POLR1A: variants seen among roughly 807,000 people sequenced by gnomAD.
The protein encoded by POLR1A is DNA-directed RNA polymerase I subunit RPA1.
In POLR1A, 84 loss-of-function variants were observed where a neutral mutation model predicts 205.3. That is an observed-to-expected ratio of 0.41 (90% CI 0.34 to 0.49). The LOEUF is 0.49. POLR1A is among the 20% of genes least tolerant of loss of function. The probability of loss-of-function intolerance (pLI) is 0.22; values close to 1 mark genes in which losing one functional copy is unlikely to be tolerated. For missense variants in POLR1A, 1,645 were observed against 2,204.5 expected, an observed-to-expected ratio of 0.75 and a Z score of 5.08; for synonymous variants, 799 against 863.7, an observed-to-expected ratio of 0.93 and a Z score of 1.31.
At chr2:86,033,842 A>G in intron 27 of POLR1A, 55 bp from the exon 28 acceptor site, 1 of 1,599,494 alleles carries the variant, frequency 6.3e-7, no homozygotes, top group Non-Finnish European at 8.5e-7. Context: ...GTCCAGCCCT[A>G]CCCTCATTTG....
At chr2:86,094,505 A>G (rs1338647129) in intron 3 of POLR1A, among the ~76,000 whole-genome samples, 4 of 152,140 alleles carry the variant, frequency 2.6e-5, no homozygotes, top group Admixed American at 6.5e-5. Flanking sequence ...CCAGCTCTAG[A>G]TCAGCTATTT....
chr2:86,065,397 AC>A lies in POLR1A; in HGVS notation c.1934del (p.Gly645ValfsTer24). 2 of 1,614,026 alleles carry A rather than the reference AC, an allele frequency of 1.2e-6. No individual in the cohort carries two copies. Among genetic ancestry groups the A allele is most frequent in the Non-Finnish European group, 1.7e-6 (2 of 1,179,992 alleles). On this transcript the variant is annotated frameshift_variant, in exon 14 of 34. Coordinates refer to ENST00000263857, the MANE Select transcript of POLR1A (RefSeq NM_015425.6). LOFTEE classifies it high-confidence loss of function. Reference protein sequence around the residue: ...MVSGASMTTRGCFFTREHYME... With the variant: ...MVSGASMTTRXCFFTREHYME... ...TATAGTGCTCCCGGGTGAAAAAGCA[AC>A]CCCGAGTAGTCATGCTTGCCCCTGA...
At chr2:86,081,454 A>G in intron 8 of POLR1A, 147 bp downstream of exon 8, 1 of 604,600 alleles carries the variant, frequency 1.7e-6, no homozygotes, top group Non-Finnish European at 2.9e-6. Context: ...ACGGGAAGGA[A>G]AGCAAGCCCT....
At chr2:86,065,516 A>G (rs917924398) in intron 13 of POLR1A, 51 bp from the exon 14 acceptor site, 29 of 1,540,714 alleles carry the variant, frequency 1.9e-5, no homozygotes, top group Non-Finnish European at 1.5e-5. Context: ...ATCTTAAGTC[A>G]AACTCTAATC....
chr2:86,055,376 G>T (rs1672878490), intron 14 of POLR1A, among the ~76,000 whole-genome samples: 1 of 152,194 alleles, frequency 6.6e-6, no homozygotes, highest in South Asian at 2.1e-4. Flanking sequence ...AGGAGCAGGG[G>T]ACAATGGACA....
At chr2:86,088,401 C>A (rs1025795384) in intron 6 of POLR1A, among the ~76,000 whole-genome samples, 165 bp downstream of exon 6, 1 of 152,218 alleles carries the variant, frequency 6.6e-6, no homozygotes, top group South Asian at 2.1e-4. Context: ...GAGCTGGGCG[C>A]TTGCCAGGGT....
chr2:86,095,472 C>T (rs1307410050), intron 3 of POLR1A, among the ~76,000 whole-genome samples: 2 of 152,158 alleles, frequency 1.3e-5, no homozygotes, highest in Admixed American at 6.5e-5. Flanking sequence ...AATTTTGCCA[C>T]GTTGCTTCAA....
intron 14 of POLR1A, among the ~76,000 whole-genome samples, chr2:86,055,368 G>A (rs1486573846): frequency 6.6e-6 from 1 of 152,174 alleles, no homozygotes; most frequent in Non-Finnish European, 1.5e-5. Flanking sequence ...CGTGCACCAG[G>A]AGCAGGGGAC....
At chr2:86,038,599 G>C in intron 27 of POLR1A, 101 bp downstream of exon 27, 1 of 1,168,564 alleles carries the variant, frequency 8.6e-7, no homozygotes, top group Non-Finnish European at 1.2e-6. Context: ...TTTGGGCAAA[G>C]GCACTCAATC....
Position 86,054,170 on chromosome 2 carries a change from G to C in POLR1A, c.2178C>G (p.Gly726=), listed in dbSNP as rs1363624577. 1 of 1,613,850 alleles carries C rather than the reference G, an allele frequency of 6.2e-7. No individual in the cohort carries two copies. The highest frequency in any genetic ancestry group is 1.3e-5 in the African/African-American group (1 of 74,904). Residue 726 remains glycine, a synonymous_variant, in exon 15 of 34, where the codon GGC becomes GGG. Transcript: ENST00000263857. The part of the protein sequence containing the change: ...WVKETPRSVP[G]FNPDSMCESQ... ...ACTCGCACATCGAGTCAGGGTTAAA[G>C]CCAGGAACGGATCGAGGAGTTTCCT...
At chr2:86,031,731 G>C (rs563561432) in intron 29 of POLR1A, 96 bp from the exon 30 acceptor site, 1 of 1,516,396 alleles carries the variant, frequency 6.6e-7, no homozygotes, top group East Asian at 2.3e-5. Context: ...GCCTTGGCTG[G>C]CCTGGGCTAC....
rs567699884 is a variant in POLR1A at position 86,049,240 on chromosome 2, C to T, written c.2395G>A (p.Val799Met). Residue 799 changes from valine to methionine, a missense_variant and splice_region_variant, in exon 17 of 34, where the codon GTG (valine) becomes ATG (methionine). By Grantham distance (21) the Val-to-Met change is conservative (BLOSUM62 1). Coordinates refer to ENST00000263857, the MANE Select transcript of POLR1A (RefSeq NM_015425.6). ...TTTGGCTTCACCAAAATGTCTTCCACGCCTGTGAAGTGAAACAGACAAGCT... is the reference window on the plus strand; with the variant it reads ...TTTGGCTTCACCAAAATGTCTTCCATGCCTGTGAAGTGAAACAGACAAGCT... Reference protein sequence around the residue: ...LQLYRGFTLGVEDILVKPKAD... With the variant: ...LQLYRGFTLGMEDILVKPKAD... 19 of 1,612,044 alleles carry T rather than the reference C, an allele frequency of 1.2e-5. No homozygotes were observed. The highest frequency in any genetic ancestry group is 6.7e-5 in the East Asian group (3 of 44,876).
intron 31 of POLR1A, among the ~76,000 whole-genome samples, chr2:86,029,193 A>G (rs577555442): frequency 1.1e-3 from 169 of 152,108 alleles, no homozygotes; most frequent in Non-Finnish European, 2.0e-3. Flanking sequence ...CTCACCCTGC[A>G]CTCTTGGCAG....
At chr2:86,059,135 G>A (rs1672952286) in intron 14 of POLR1A, among the ~76,000 whole-genome samples, 1 of 152,040 alleles carries the variant, frequency 6.6e-6, no homozygotes, top group Non-Finnish European at 1.5e-5. Context: ...CAACACAGGA[G>A]GGGTTAAAAA....
At chr2:86,045,901 A>G (rs1400976999) in intron 19 of POLR1A, 132 bp from the exon 20 acceptor site, 1 of 685,692 alleles carries the variant, frequency 1.5e-6, no homozygotes, top group Non-Finnish European at 2.4e-6. Flanking sequence ...AGGCTAACCT[A>G]CATTTCTAAA....
At chr2:86,098,520 C>T (rs185295632) in intron 3 of POLR1A, 91 bp downstream of exon 3, 21 of 1,296,882 alleles carry the variant, frequency 1.6e-5, no homozygotes, top group East Asian at 7.0e-5. Flanking sequence ...TGATGACTAT[C>T]GGCATGGTAA....
At chr2:86,094,624 T>C (rs1338900323) in intron 3 of POLR1A, among the ~76,000 whole-genome samples, 1 of 152,250 alleles carries the variant, frequency 6.6e-6, no homozygotes, top group Non-Finnish European at 1.5e-5. Flanking sequence ...GGAAAATACA[T>C]GTGTACACAC....
rs201242456 is a variant in POLR1A, at chr2:86,054,178, C to T, written c.2170G>A (p.Val724Ile). The change falls in exon 15 of 34, where the codon GTT becomes ATT. Residue 724 changes from valine (V) to isoleucine (I), a missense_variant. Val to Ile is a conservative substitution (Grantham distance 29, BLOSUM62 3). Around this residue, in one of 16 missense-constraint regions of POLR1A, gnomAD observed 339 missense variants for 415.1 expected, o/e 0.82. Coordinates refer to ENST00000263857, the MANE Select transcript of POLR1A (RefSeq NM_015425.6). Reference sequence around the variant, plus strand: ...ATCGAGTCAGGGTTAAAGCCAGGAACGGATCGAGGAGTTTCCTTCACCCAG... The same window carrying T: ...ATCGAGTCAGGGTTAAAGCCAGGAATGGATCGAGGAGTTTCCTTCACCCAG... ...KAWVKETPRS[V>I]PGFNPDSMCE... is the part of the protein sequence containing the mutation. 3.5e-5 allele frequency: 57 copies of T among 1,613,972 alleles called. 1 individual carries two copies. Among genetic ancestry groups the T allele is most frequent in the South Asian group, 1.6e-4 (15 of 91,074 alleles).
chr2:86,033,884 G>T, intron 27 of POLR1A, 97 bp from the exon 28 acceptor site: 1 of 1,449,986 alleles, frequency 6.9e-7, no homozygotes, highest in East Asian at 2.3e-5. Context: ...TCCCACAGGG[G>T]ATCAGTGCAC....
Sources: allele counts gnomAD v4.1 joint callset (sites outside exome capture counted in the v4.1 genomes callset), GRCh38; gene constraint gnomAD v4.1.1; regional missense constraint gnomAD v4.1.1; transcripts MANE v1.5; gene names NCBI Gene and HGNC (gene_info 2026-07-23, HGNC 2026-07-21).